CTNNA2: variants seen among roughly 807,000 people sequenced by gnomAD.
CTNNA2 encodes catenin alpha-2.
CTNNA2 carries 42 observed loss-of-function variants against 101.0 expected under a neutral mutation model. The observed-to-expected ratio is 0.42, with a 90% CI of 0.32 to 0.54. CTNNA2 has a LOEUF of 0.54. CTNNA2 is among the 20% of genes least tolerant of loss of function. The pLI is 0.14. For synonymous variants in CTNNA2, 450 were observed against 456.4 expected (o/e 0.99, Z 0.18); for missense variants, 871 against 1,223.1 (o/e 0.71, Z 4.29).
chr2:79,571,866 C>T lies in CTNNA2; in HGVS notation c.-6+58659C>T, dbSNP rs181671722. Among the ~76,000 whole-genome samples the T allele has an allele frequency of 9.7e-4, 148 of 152,192 alleles. 1 individual carries two copies. Among genetic ancestry groups the T allele is most frequent in the Non-Finnish European group, 1.6e-3 (110 of 68,020 alleles). ...CTATTTCCCTTACCTTTCCCTCTTTCACTATGACCACCTTCTTATTTTAGT... is the reference window on the plus strand; with the variant it reads ...CTATTTCCCTTACCTTTCCCTCTTTTACTATGACCACCTTCTTATTTTAGT... On this transcript the variant is annotated intron_variant, in intron 1 of 18. Coordinates refer to ENST00000402739, the MANE Select transcript of CTNNA2 (RefSeq NM_001282597.3).
chr2:80,007,860 A>T (rs1447732739), intron 7 of CTNNA2, among the ~76,000 whole-genome samples: 1 of 152,162 alleles, frequency 6.6e-6, no homozygotes, highest in East Asian at 1.9e-4. Context: ...ACTACTCTGC[A>T]GGTCAGGCCA....
intron 7 of CTNNA2, among the ~76,000 whole-genome samples, chr2:80,240,022 C>T (rs2149089359): frequency 6.6e-6 from 1 of 152,276 alleles, no homozygotes; most frequent in East Asian, 1.9e-4. Context: ...TGTCATTGAA[C>T]CATGGTTGCC....
At chr2:79,501,730 A>T (rs1013348362) in intron 4 of CTNNA2, among the ~76,000 whole-genome samples, 1 of 152,146 alleles carries the variant, frequency 6.6e-6, no homozygotes, top group Non-Finnish European at 1.5e-5. Context: ...AAAAGTGAAA[A>T]TTCCAGAATT....
chr2:79,619,776 T>A (rs903275069), intron 1 of CTNNA2, among the ~76,000 whole-genome samples: 13 of 152,302 alleles, frequency 8.5e-5, no homozygotes, highest in African/African-American at 2.9e-4. Context: ...ATGCATCTCA[T>A]ATGAGAGCCG....
chr2:79,697,852 G>T (rs1213176799), intron 2 of CTNNA2: 2 of 151,760 alleles, frequency 1.3e-5, no homozygotes, highest in Non-Finnish European at 2.9e-5. Flanking sequence ...ATAATAAGTG[G>T]CATACCACTT....
chr2:79,315,721 C>G (rs570374498), intron 3 of CTNNA2, among the ~76,000 whole-genome samples: 9 of 152,030 alleles, frequency 5.9e-5, no homozygotes, highest in Non-Finnish European at 1.2e-4. Context: ...TGAATATCCA[C>G]GCACAAGTTT....
chr2:79,393,168 C>G (rs1480578848), intron 4 of CTNNA2, among the ~76,000 whole-genome samples: 3 of 152,158 alleles, frequency 2.0e-5, no homozygotes, highest in African/African-American at 7.2e-5. Flanking sequence ...ATAGCTGTGC[C>G]TCAAGCACCG....
At position 80,447,860 on chromosome 2, in the gene CTNNA2, T is replaced by A. The variant is rs903326568; in HGVS notation, c.1290+28259T>A. Among the ~76,000 whole-genome samples, 3 of 152,186 alleles carry A rather than the reference T, an allele frequency of 2.0e-5. No individual in the cohort carries two copies. The East Asian group carries it at 5.8e-4, about 29-fold the overall frequency. On this transcript the variant is annotated intron_variant, in intron 9 of 18. Coordinates refer to ENST00000402739, the MANE Select transcript of CTNNA2 (RefSeq NM_001282597.3). ...CATATTTAGGGATGAAGATGAGGTA[T>A]GGCTGAGAAAGAACGCAGAAGCTTG... is the stretch of plus-strand genomic sequence containing the variant.
intron 7 of CTNNA2, among the ~76,000 whole-genome samples, chr2:80,091,780 A>G (rs568403017): frequency 6.6e-6 from 1 of 152,184 alleles, no homozygotes; most frequent in African/African-American, 2.4e-5. Context: ...CTTCAAGACA[A>G]TATTGGACCT....
chr2:79,741,533 G>T (rs538772452), intron 2 of CTNNA2, among the ~76,000 whole-genome samples: 3 of 152,110 alleles, frequency 2.0e-5, no homozygotes, highest in African/African-American at 7.2e-5. Context: ...CTTCTTTTAT[G>T]TTCTTCACTA....
At chr2:80,118,317 G>A (rs528148690) in intron 7 of CTNNA2, among the ~76,000 whole-genome samples, 8 of 152,284 alleles carry the variant, frequency 5.3e-5, no homozygotes, top group East Asian at 3.9e-4. Context: ...AGGGCAAGTC[G>A]TCATTGGAAT....
chr2:80,497,003 A>AAAG (rs1428640421), intron 9 of CTNNA2, among the ~76,000 whole-genome samples: 2 of 152,134 alleles, frequency 1.3e-5, no homozygotes, highest in Non-Finnish European at 2.9e-5. Flanking sequence ...GAAGCGCCTG[A>AAAG]AAGAATTTGA....
chr2:80,370,638 C>T (rs772123744), intron 7 of CTNNA2, among the ~76,000 whole-genome samples: 4 of 152,136 alleles, frequency 2.6e-5, no homozygotes, highest in Non-Finnish European at 4.4e-5. Context: ...GGATCTAATA[C>T]AGTTCAGTGA....
At chr2:79,889,720 G>A (rs1392926315) in intron 6 of CTNNA2, among the ~76,000 whole-genome samples, 7 of 152,138 alleles carry the variant, frequency 4.6e-5, no homozygotes, top group South Asian at 2.1e-4. Context: ...CTTAATAGAC[G>A]TGTTGGCCAG....
chr2:79,935,024 G>T (rs1687683313), intron 7 of CTNNA2, among the ~76,000 whole-genome samples: 1 of 152,068 alleles, frequency 6.6e-6, no homozygotes, highest in Non-Finnish European at 1.5e-5. Context: ...ATATTTTTTT[G>T]ATGTTTGCCA....
chr2:80,584,875 A>G (rs11891255), intron 14 of CTNNA2, among the ~76,000 whole-genome samples: 10,395 of 152,220 alleles, frequency 0.068, 610 homozygotes, highest in African/African-American at 0.16. Context: ...AATTTCACCT[A>G]AAAGAGTTGG....
Position 79,388,460 on chromosome 2 carries a change from A to G in CTNNA2, c.-135+14447A>G, listed in dbSNP as rs1047817893. Among the ~76,000 whole-genome samples the G allele has an allele frequency of 3.3e-5, 5 of 152,236 alleles. No individual in the cohort carries two copies. In the East Asian group the frequency reaches 9.6e-4, roughly 29 times the overall value. On this transcript the variant is annotated intron_variant, in intron 4 of 21. Coordinates refer to the CTNNA2 transcript ENST00000466387. ...GAACCAGAAATATTTAGTGAACAGA[A>G]TTATTGACTATTTAGGTCTCCAGTT... is the stretch of plus-strand genomic sequence containing the variant.
chr2:79,657,111 C>T (rs1558809291), intron 2 of CTNNA2, among the ~76,000 whole-genome samples: 1 of 151,628 alleles, frequency 6.6e-6, no homozygotes, highest in Non-Finnish European at 1.5e-5. Flanking sequence ...AAACTGGAAT[C>T]ACTAGAATAG....
chr2:79,875,610 T>C (rs1682960602), intron 6 of CTNNA2, among the ~76,000 whole-genome samples: 1 of 152,284 alleles, frequency 6.6e-6, no homozygotes, highest in Middle Eastern at 3.4e-3. Context: ...ATGATATAAC[T>C]GAGGAATAAT....
Sources: gnomAD v4.1 joint callset for allele counts (sites outside exome capture counted in the v4.1 genomes callset) on GRCh38, gnomAD v4.1.1 for gene constraint, MANE v1.5 for transcripts, NCBI Gene and HGNC (gene_info 2026-07-23, HGNC 2026-07-21) for gene names.